Variants in TCF7L1 observed in about 807,000 individuals in gnomAD.
TCF7L1 encodes the protein transcription factor 7-like 1.
In TCF7L1, 18 loss-of-function variants were observed where a neutral mutation model predicts 63.7. That is an observed-to-expected ratio of 0.28 (90% CI 0.20 to 0.42). TCF7L1 has a LOEUF of 0.42. Among genes scored for constraint, TCF7L1 ranks in the 10% least tolerant of loss-of-function variants. The pLI is 1.00. For synonymous variants in TCF7L1, 355 were observed against 340.9 expected, an observed-to-expected ratio of 1.04 and a Z score of -0.46; for missense variants, 654 against 779.3, an observed-to-expected ratio of 0.84 and a Z score of 1.91.
At chr2:85,139,377 A>G (rs1449086008) in intron 3 of TCF7L1, among the ~76,000 whole-genome samples, 2 of 152,240 alleles carry the variant, frequency 1.3e-5, no homozygotes, top group Admixed American at 6.5e-5. Flanking sequence ...GATACCTATC[A>G]TGGGCAATGG....
intron 3 of TCF7L1, among the ~76,000 whole-genome samples, chr2:85,217,952 A>C (rs1469558790): frequency 6.6e-6 from 1 of 152,084 alleles, no homozygotes; most frequent in Admixed American, 6.5e-5. Context: ...ATTAGGTCTA[A>C]TCAGTTTTTA....
chr2:85,193,749 T>C (rs546518047), intron 3 of TCF7L1, among the ~76,000 whole-genome samples: 3 of 152,210 alleles, frequency 2.0e-5, no homozygotes, highest in African/African-American at 7.2e-5. Flanking sequence ...TAAGAAAATG[T>C]CTTTTTTGGG....
chr2:85,283,385 G>A (rs760306548), intron 3 of TCF7L1, 110 bp from the exon 4 acceptor site: 60 of 1,100,046 alleles, frequency 5.5e-5, no homozygotes, highest in Non-Finnish European at 7.6e-5. Context: ...TGAAAATGCA[G>A]GCCACCCCAA....
At chr2:85,155,914 G>A (rs2104212194) in intron 3 of TCF7L1, among the ~76,000 whole-genome samples, 1 of 152,318 alleles carries the variant, frequency 6.6e-6, no homozygotes, top group East Asian at 1.9e-4. Context: ...AACGCAGGCA[G>A]AACAAAAGGC....
At chr2:85,297,261 C>T (rs1681853546) in intron 4 of TCF7L1, among the ~76,000 whole-genome samples, 1 of 152,088 alleles carries the variant, frequency 6.6e-6, no homozygotes, top group Non-Finnish European at 1.5e-5. Context: ...ATTCCAGGTC[C>T]CAGAGTCTTT....
intron 5 of TCF7L1, 47 bp downstream of exon 5, chr2:85,302,663 TTC>T: frequency 2.7e-6 from 4 of 1,461,454 alleles, no homozygotes; most frequent in Non-Finnish European, 3.7e-6. Context: ...GCAGGCGGGC[TTC>T]TCTTTTGTGG....
chr2:85,200,371 C>T (rs529792132), intron 3 of TCF7L1, among the ~76,000 whole-genome samples: 3 of 152,178 alleles, frequency 2.0e-5, no homozygotes, highest in South Asian at 4.2e-4. Flanking sequence ...AGCCTACTCT[C>T]GATTAACAAC....
chr2:85,173,758 A>G (rs542213614), intron 3 of TCF7L1, among the ~76,000 whole-genome samples: 1 of 149,418 alleles, frequency 6.7e-6, no homozygotes, highest in Admixed American at 6.6e-5. Context: ...TTTTTCTGAG[A>G]CGGAGTCTGT....
chr2:85,261,998 A>G (rs1289992592), intron 3 of TCF7L1: 7 of 500,096 alleles, frequency 1.4e-5, no homozygotes, highest in African/African-American at 7.8e-5. Flanking sequence ...CTAAAAACAA[A>G]CTGTATCCTT....
At chr2:85,199,096 G>T (rs1395615128) in intron 3 of TCF7L1, among the ~76,000 whole-genome samples, 36 of 152,220 alleles carry the variant, frequency 2.4e-4, no homozygotes, top group African/African-American at 2.4e-5. Context: ...GTCTCTGCCA[G>T]TGCCAAGATG....
At chr2:85,154,391 T>C (rs1678093082) in intron 3 of TCF7L1, among the ~76,000 whole-genome samples, 1 of 152,224 alleles carries the variant, frequency 6.6e-6, no homozygotes, top group Non-Finnish European at 1.5e-5. Flanking sequence ...TGGGATGTTA[T>C]TAGGTAGAAC....
At chr2:85,149,847 T>C (rs35035277) in intron 3 of TCF7L1, among the ~76,000 whole-genome samples, 11,481 of 152,216 alleles carry the variant, frequency 0.075, 596 homozygotes, top group Middle Eastern at 0.15. Context: ...TCTGAGCCAT[T>C]TGCAAGTAAG....
intron 3 of TCF7L1, among the ~76,000 whole-genome samples, chr2:85,212,299 A>T (rs1335027754): frequency 6.6e-6 from 1 of 152,128 alleles, no homozygotes; most frequent in African/African-American, 2.4e-5. Flanking sequence ...ACCAGCTGGC[A>T]TGACCTCAAG....
At chr2:85,269,368 T>A (rs1015937048) in intron 3 of TCF7L1, among the ~76,000 whole-genome samples, 2 of 152,268 alleles carry the variant, frequency 1.3e-5, no homozygotes, top group African/African-American at 4.8e-5. Context: ...GATATCAAAC[T>A]TTGCCTGTAA....
At chr2:85,235,925 G>A (rs537411425) in intron 3 of TCF7L1, among the ~76,000 whole-genome samples, 3 of 151,934 alleles carry the variant, frequency 2.0e-5, no homozygotes, top group Non-Finnish European at 4.4e-5. Flanking sequence ...TTTGAGAGGC[G>A]GAGGCAAGAG....
intron 4 of TCF7L1, among the ~76,000 whole-genome samples, chr2:85,296,502 A>G (rs1000706294): frequency 1.3e-5 from 2 of 152,212 alleles, no homozygotes; most frequent in African/African-American, 4.8e-5. Context: ...ATTAGGTGGT[A>G]TCTGACAAAC....
intron 7 of TCF7L1, among the ~76,000 whole-genome samples, chr2:85,304,779 TA>T (rs1428350104): frequency 1.3e-5 from 2 of 152,200 alleles, no homozygotes; most frequent in African/African-American, 4.8e-5. Flanking sequence ...TGCACCATCG[TA>T]AAGTCAAAAT....
chr2:85,234,767 A>C, intron 3 of TCF7L1, among the ~76,000 whole-genome samples: 1 of 152,186 alleles, frequency 6.6e-6, no homozygotes, highest in Non-Finnish European at 1.5e-5. Flanking sequence ...AACTCAGAAT[A>C]GGGCTTTGTC....
intron 3 of TCF7L1, among the ~76,000 whole-genome samples, chr2:85,214,917 C>A (rs896112732): frequency 5.9e-5 from 9 of 152,194 alleles, no homozygotes; most frequent in African/African-American, 2.2e-4. Context: ...AGTTTGCTGT[C>A]CCCTGGTCCT....
Sources: gnomAD v4.1 joint callset for allele counts (sites outside exome capture counted in the v4.1 genomes callset) on GRCh38, gnomAD v4.1.1 for gene constraint, MANE v1.5 for transcripts, NCBI Gene and HGNC (gene_info 2026-07-23, HGNC 2026-07-21) for gene names.